NPAS2: variants seen among roughly 807,000 people sequenced by gnomAD.
The protein encoded by NPAS2 is neuronal PAS domain protein 2, also known as neuronal PAS domain-containing protein 2.
NPAS2 carries 23 observed loss-of-function variants against 107.5 expected under a neutral mutation model. The ratio of observed to expected loss-of-function variants is 0.21; its 90% CI spans 0.15 to 0.30. The LOEUF (loss-of-function observed/expected upper bound fraction) is 0.30, where lower values mean the gene tolerates loss of function less well. Ranked by LOEUF, NPAS2 falls within the 10% of genes least tolerant of loss-of-function variation. The pLI, the probability that NPAS2 is intolerant of heterozygous loss-of-function variation, is 1.00. For synonymous variants in NPAS2, 403 were observed against 417.5 expected (o/e 0.97, Z 0.42); for missense variants, 756 against 1,043.3 (o/e 0.72, Z 3.79).
intron 15 of NPAS2, among the ~76,000 whole-genome samples, chr2:100,981,704 G>A (rs949125041): frequency 9.9e-5 from 15 of 152,070 alleles, no homozygotes; most frequent in Non-Finnish European, 1.0e-4. Context: ...AGGGTGAGGG[G>A]GAATGAAAAG....
intron 2 of NPAS2, among the ~76,000 whole-genome samples, chr2:100,913,173 C>G (rs753496517): frequency 7.9e-5 from 12 of 152,146 alleles, no homozygotes; most frequent in Admixed American, 2.0e-4. Context: ...AGAGACCCTC[C>G]AAGGGCAAGA....
At chr2:100,989,671 A>G (rs1677996541) in intron 17 of NPAS2, 1 of 152,364 alleles carries the variant, frequency 6.6e-6, no homozygotes, top group African/African-American at 2.4e-5. Context: ...AATTCTGAGC[A>G]CTGAGGGAAA....
At chr2:100,974,748 A>C (rs1056373536) in intron 12 of NPAS2, 55 bp from the exon 13 acceptor site, 45 of 1,571,626 alleles carry the variant, frequency 2.9e-5, no homozygotes, top group Non-Finnish European at 3.6e-5. Flanking sequence ...AGTCACGCCC[A>C]CTGATTCTTT....
chr2:100,903,891 G>A lies in NPAS2; in HGVS notation c.-22-842G>A, dbSNP rs549794922. ...CAGGGCTATGCAGCTCTGAGGGGTG[G>A]AGGGAACCCAGGCCTGCGTGTGGTA... On this transcript the variant is annotated intron_variant, in intron 1 of 20. Coordinates refer to ENST00000335681, the MANE Select transcript of NPAS2 (RefSeq NM_002518.4). 4.2e-4 allele frequency among the ~76,000 whole-genome samples: 64 copies of A among 152,252 alleles called. 1 individual carries two copies. The South Asian group carries it at 0.012, about 29-fold the overall frequency.
chr2:100,918,934 G>A (rs887922803), intron 2 of NPAS2, among the ~76,000 whole-genome samples: 106 of 152,252 alleles, frequency 7.0e-4, no homozygotes, highest in African/African-American at 2.4e-3. Context: ...TGAAAAACCT[G>A]TACACCAATG....
intron 1 of NPAS2, among the ~76,000 whole-genome samples, chr2:100,894,064 G>A (rs1246553816): frequency 6.6e-6 from 1 of 152,226 alleles, no homozygotes; most frequent in Non-Finnish European, 1.5e-5. Context: ...GGGCGGATAT[G>A]CCGTGACAAA....
At chr2:100,858,129 G>A (rs187848599) in intron 1 of NPAS2, among the ~76,000 whole-genome samples, 8 of 152,320 alleles carry the variant, frequency 5.3e-5, no homozygotes, top group South Asian at 2.1e-4. Context: ...AAGAGGTCTC[G>A]TTGCCTCTCT....
In NPAS2 at chr2:100,988,100, G is replaced by C. The variant is rs780945587; in HGVS notation, c.1651G>C (p.Val551Leu). Residue 551 changes from valine (V) to leucine (L), a missense_variant, in exon 17 of 21, where the codon GTA (valine) becomes CTA (leucine). Physicochemically the swap from Val to Leu is conservative, Grantham distance 32. Transcript: ENST00000335681. ...NVQMFLQQPA[V>L]SLSFSSTQRP... ...CCAGATGTTCCTGCAGCAGCCAGCT[G>C]TATCCCTGAGCTTCAGCAGCACCCA... 6.2e-7 allele frequency: 1 copy of C among 1,614,166 alleles called. No individual in the cohort carries two copies. The highest frequency in any genetic ancestry group is 1.1e-5 in the South Asian group (1 of 91,080).
At chr2:100,831,478 G>A (rs772242939) in intron 1 of NPAS2, among the ~76,000 whole-genome samples, 4 of 152,158 alleles carry the variant, frequency 2.6e-5, no homozygotes, top group Non-Finnish European at 5.9e-5. Context: ...GTTGTGGGGT[G>A]TGTGGTAAGG....
intron 5 of NPAS2, among the ~76,000 whole-genome samples, chr2:100,946,144 T>G (rs1674882659): frequency 6.6e-6 from 1 of 152,230 alleles, no homozygotes; most frequent in African/African-American, 2.4e-5. Context: ...ATTTATTGAA[T>G]GTCTGCCACG....
chr2:100,860,674 G>A (rs368701105), intron 1 of NPAS2, among the ~76,000 whole-genome samples: 19 of 152,084 alleles, frequency 1.2e-4, no homozygotes, highest in African/African-American at 4.3e-4. Context: ...ATATCAGTAT[G>A]GGTTTGTAGA....
chr2:100,983,483 C>T (rs3768993), intron 16 of NPAS2: 60,780 of 152,588 alleles, frequency 0.4, 13,484 homozygotes, highest in Middle Eastern at 0.62. Context: ...TAGATGCTCA[C>T]TGTCCCTCCC....
At chr2:100,868,400 C>T (rs1025845751) in intron 1 of NPAS2, among the ~76,000 whole-genome samples, 1 of 152,162 alleles carries the variant, frequency 6.6e-6, no homozygotes, top group Admixed American at 6.5e-5. Context: ...AGTGTTTTCT[C>T]TGGCTGCATT....
At chr2:100,864,686 G>A (rs1679151525) in intron 1 of NPAS2, among the ~76,000 whole-genome samples, 1 of 152,188 alleles carries the variant, frequency 6.6e-6, no homozygotes, top group African/African-American at 2.4e-5. Flanking sequence ...AGTATTTCTG[G>A]TAAGTGTCAA....
intron 10 of NPAS2, among the ~76,000 whole-genome samples, chr2:100,966,346 A>C (rs1421048786): frequency 6.6e-6 from 1 of 152,138 alleles, no homozygotes; most frequent in African/African-American, 2.4e-5. Flanking sequence ...TTTGCCACAT[A>C]CGAGGCGAAC....
chr2:100,905,505 G>A (rs2117713), intron 2 of NPAS2, among the ~76,000 whole-genome samples: 21,104 of 151,782 alleles, frequency 0.14, 1,589 homozygotes, highest in Middle Eastern at 0.18. Context: ...CACCCAAGTC[G>A]GCAGTTACTG....
chr2:100,836,710 T>C (rs1253275123), intron 1 of NPAS2, among the ~76,000 whole-genome samples: 1 of 152,214 alleles, frequency 6.6e-6, no homozygotes, highest in Non-Finnish European at 1.5e-5. Flanking sequence ...TTGGTTCCAA[T>C]GCCTCCCTGG....
chr2:100,964,702 G>A (rs561832963), intron 8 of NPAS2, among the ~76,000 whole-genome samples, 159 bp from the exon 9 acceptor site: 62 of 152,252 alleles, frequency 4.1e-4, no homozygotes, highest in Admixed American at 3.1e-3. Flanking sequence ...AGCTAATACC[G>A]AAATTAGCTA....
intron 3 of NPAS2, among the ~76,000 whole-genome samples, chr2:100,931,483 CTTTTTTTTTT>C (rs10709889): frequency 1.2e-5 from 1 of 81,328 alleles, no homozygotes; most frequent in Non-Finnish European, 2.4e-5. Context: ...TAACTCAGCT[CTTTTTTTTTT>C]TTTTTTTTTT....
Sources: gnomAD v4.1 joint callset for allele counts (sites outside exome capture counted in the v4.1 genomes callset) on GRCh38, gnomAD v4.1.1 for gene constraint, MANE v1.5 for transcripts, NCBI Gene and HGNC (gene_info 2026-07-23, HGNC 2026-07-21) for gene names.